The following EIPR1 variants were observed in gnomAD, a reference collection of about 807,000 sequenced individuals.
EIPR1 encodes the protein EARP and GARP complex-interacting protein 1.
Under a neutral mutation model 48.1 loss-of-function variants are expected in EIPR1, and 25 were observed. The observed-to-expected ratio is 0.52, with a 90% confidence interval of 0.38 to 0.73. The LOEUF (loss-of-function observed/expected upper bound fraction) is 0.73. Ranked by LOEUF, EIPR1 falls within the 30% of genes least tolerant of loss-of-function variation. EIPR1 has a pLI of 0.00. For missense variants in EIPR1, 415 were observed against 506.2 expected (o/e 0.82, Z 1.73); for synonymous variants, 204 against 201.9 (o/e 1.01, Z -0.09).
At chr2:3,372,416 C>T (rs1259408179) in intron 1 of EIPR1, among the ~76,000 whole-genome samples, 1 of 150,210 alleles carries the variant, frequency 6.7e-6, no homozygotes, top group Non-Finnish European at 1.5e-5. Flanking sequence ...ACACAAAAAA[C>T]CCTTCAAAAA....
chr2:3,199,013 A>C (rs1664907409), intron 5 of EIPR1, among the ~76,000 whole-genome samples: 2 of 128,536 alleles, frequency 1.6e-5, no homozygotes, highest in Non-Finnish European at 3.1e-5. Context: ...TTCATCCCTC[A>C]TCTGCAACTG....
At chr2:3,330,634 C>A (rs532154203) in intron 3 of EIPR1, among the ~76,000 whole-genome samples, 1 of 151,830 alleles carries the variant, frequency 6.6e-6, no homozygotes, top group Admixed American at 6.5e-5. Context: ...GAGGCAGGAG[C>A]ACACACTCAT....
rs771209232 is a variant in EIPR1, at chr2:3,274,466, A to G, written c.260-17011T>C. The G allele has an allele frequency of 3.6e-5, 56 of 1,538,460 alleles. No homozygotes were observed. In the South Asian group the frequency reaches 5.9e-4, roughly 16 times the overall value. ...AACTGTTCAGTCAGCTAAATACTCA[A>G]AAATAAAGGCATGTTAAGGTAAATC... On this transcript the variant is annotated intron_variant, in intron 3 of 8. Transcript: ENST00000382125.
At chr2:3,349,400 G>A (rs546850199) in intron 2 of EIPR1, among the ~76,000 whole-genome samples, 3 of 152,346 alleles carry the variant, frequency 2.0e-5, no homozygotes, top group Admixed American at 6.5e-5. Context: ...GAGTGTGAGC[G>A]CAGGGACTGC....
intron 3 of EIPR1, among the ~76,000 whole-genome samples, chr2:3,294,814 TCC>T: frequency 9.0e-6 from 1 of 110,676 alleles, no homozygotes; most frequent in Non-Finnish European, 1.9e-5. Flanking sequence ...CCATCCTCTC[TCC>T]ACACACCCTC....
intron 3 of EIPR1, among the ~76,000 whole-genome samples, chr2:3,263,583 G>T (rs927646854): frequency 1.3e-5 from 2 of 152,106 alleles, no homozygotes; most frequent in African/African-American, 2.4e-5. Context: ...ACATCACATC[G>T]CACCACCTAG....
intron 3 of EIPR1, among the ~76,000 whole-genome samples, chr2:3,336,832 G>A (rs1670061101): frequency 7.1e-6 from 1 of 139,974 alleles, no homozygotes; most frequent in East Asian, 2.1e-4. Flanking sequence ...AAAAGGGAAG[G>A]GAAGGGAAAG....
chr2:3,215,015 G>GATGTGT (rs1370375160), intron 4 of EIPR1, among the ~76,000 whole-genome samples: 24 of 152,326 alleles, frequency 1.6e-4, no homozygotes, highest in Admixed American at 1.4e-3. Context: ...ATCAGTAAGA[G>GATGTGT]AGCCCTCACC....
intron 3 of EIPR1, among the ~76,000 whole-genome samples, chr2:3,269,027 G>A (rs1667584326): frequency 1.3e-5 from 2 of 152,214 alleles, no homozygotes; most frequent in Admixed American, 1.3e-4. Flanking sequence ...AGGTGTGGGA[G>A]GAAAGCAGTG....
intron 1 of EIPR1, among the ~76,000 whole-genome samples, chr2:3,369,287 A>G (rs567396235): frequency 6.6e-6 from 1 of 152,378 alleles, no homozygotes; most frequent in Non-Finnish European, 1.5e-5. Flanking sequence ...GCTCCGGTCT[A>G]GAGCTCCCAG....
chr2:3,280,883 G>A (rs990919037), intron 3 of EIPR1, among the ~76,000 whole-genome samples: 5 of 151,922 alleles, frequency 3.3e-5, no homozygotes, highest in Non-Finnish European at 7.4e-5. Flanking sequence ...AGTGCCACCC[G>A]CGCCTCCTCC....
Position 3,354,631 on chromosome 2 carries a change from T to C in EIPR1, c.45A>G (p.Ala15=), listed in dbSNP as rs1056644591. 6.2e-7 allele frequency: 1 copy of C among 1,614,092 alleles called. No homozygotes were observed. The highest frequency in any genetic ancestry group is 8.5e-7 in the Non-Finnish European group (1 of 1,179,976). Residue 15 remains alanine, a splice_region_variant and synonymous_variant, in exon 2 of 9, where the codon GCA becomes GCG. Transcript: ENST00000382125. ...APVIYGLEFQ[A]RALTPQTAET... is the part of the protein sequence containing the mutation. Reference sequence around the variant, plus strand: ...CTGCAGTTTGAGGTGTTAAGGCACGTGCCTGCAGGAGGGAAGAAAAACACA... The same window carrying C: ...CTGCAGTTTGAGGTGTTAAGGCACGCGCCTGCAGGAGGGAAGAAAAACACA...
intron 1 of EIPR1, among the ~76,000 whole-genome samples, chr2:3,356,295 T>A (rs544020524): frequency 3.2e-4 from 49 of 152,310 alleles, no homozygotes; most frequent in African/African-American, 1.2e-3. Context: ...AGCTGAGAGC[T>A]ATCAGCCCCC....
intron 4 of EIPR1, among the ~76,000 whole-genome samples, chr2:3,217,892 C>A (rs540403913): frequency 4.7e-4 from 71 of 152,328 alleles, no homozygotes; most frequent in African/African-American, 1.5e-3. Flanking sequence ...CCCATTGCCA[C>A]TCCCAGGCAG....
In EIPR1 at chr2:3,289,341, G is replaced by A. The variant is rs146847695; in HGVS notation, c.260-31886C>T. ...TTTCTCTCTGTCCAGACAGAGGATG[G>A]GGCGTGTGACCCAGGGACCCAGAGT... On this transcript the variant is annotated intron_variant, in intron 3 of 8. Coordinates refer to ENST00000382125, the MANE Select transcript of EIPR1 (RefSeq NM_003310.5). 4.6e-5 allele frequency among the ~76,000 whole-genome samples: 7 copies of A among 152,268 alleles called. No homozygotes were observed. In the East Asian group the frequency reaches 1.2e-3, roughly 25 times the overall value.
intron 3 of EIPR1, among the ~76,000 whole-genome samples, chr2:3,328,334 C>G (rs1669762312): frequency 6.6e-6 from 1 of 152,212 alleles, no homozygotes; most frequent in African/African-American, 2.4e-5. Flanking sequence ...GAGGGGTCAG[C>G]CTGGGTTCCC....
chr2:3,362,720 A>G (rs1411601095), intron 1 of EIPR1, among the ~76,000 whole-genome samples: 1 of 148,536 alleles, frequency 6.7e-6, no homozygotes, highest in East Asian at 1.9e-4. Context: ...AGAAACATCT[A>G]TAATCCAAAG....
chr2:3,338,208 C>T, intron 2 of EIPR1, 59 bp from the exon 3 acceptor site: 1 of 1,577,908 alleles, frequency 6.3e-7, no homozygotes, highest in Non-Finnish European at 8.6e-7. Flanking sequence ...GTACCTTCAT[C>T]AGACATCATG....
At chr2:3,209,300 C>T (rs916623205) in intron 5 of EIPR1, among the ~76,000 whole-genome samples, 2 of 152,146 alleles carry the variant, frequency 1.3e-5, no homozygotes, top group African/African-American at 4.8e-5. Flanking sequence ...CAGAAGAGCC[C>T]ACTGAAAGCC....
Sources: gnomAD v4.1 joint callset for allele counts (sites outside exome capture counted in the v4.1 genomes callset) on GRCh38, gnomAD v4.1.1 for gene constraint, MANE v1.5 for transcripts, NCBI Gene and HGNC (gene_info 2026-07-23, HGNC 2026-07-21) for gene names.